SHOC2: variants seen among roughly 807,000 people sequenced by gnomAD.
SHOC2 encodes SHOC2 leucine rich repeat scaffold protein, also known as leucine-rich repeat protein SHOC-2.
SHOC2 carries 4 observed loss-of-function variants against 50.2 expected under a neutral mutation model. The observed-to-expected ratio is 0.08, with a 90% CI of 0.04 to 0.18. SHOC2 has a LOEUF of 0.18. SHOC2 is among the 10% of genes least tolerant of loss of function. SHOC2 has a pLI of 1.00. For missense variants in SHOC2, 388 were observed against 669.6 expected (o/e 0.58, Z 4.64); for synonymous variants, 218 against 244.5 (o/e 0.89, Z 1.01).
At chr10:110,919,440 C>T, upstream of SHOC2, 1 of 393,170 alleles carries the variant, frequency 2.5e-6, no homozygotes, top group Non-Finnish European at 4.5e-6. Context: ...TCTCTTGCCC[C>T]GGTTCCGCCC....
chr10:110,937,272 T>C (rs75092014), intron 1 of SHOC2: 2 of 796,244 alleles, frequency 2.5e-6, no homozygotes, highest in African/African-American at 1.7e-5. Context: ...TTTTTTTTTT[T>C]GGTCCAATCC....
intron 3 of SHOC2, chr10:110,988,808 ACTGTAAATTT>A (rs1274873282): frequency 9.8e-6 from 4 of 406,692 alleles, no homozygotes; most frequent in Non-Finnish European, 1.9e-5. Flanking sequence ...GACAGTTAGC[ACTGTAAATTT>A]CCCCTTAAGT....
chr10:111,006,292 A>G (rs1394525175), intron 5 of SHOC2, among the ~76,000 whole-genome samples: 2 of 152,264 alleles, frequency 1.3e-5, no homozygotes, highest in African/African-American at 2.4e-5. Flanking sequence ...TTTCAAATGG[A>G]TGCTTGCTAC....
intron 4 of SHOC2, among the ~76,000 whole-genome samples, chr10:111,003,327 TC>T (rs1178673023): frequency 3.9e-5 from 6 of 152,312 alleles, no homozygotes; most frequent in African/African-American, 1.4e-4. Flanking sequence ...TTACTTTGAA[TC>T]TAGAGTGTTT....
At chr10:111,002,045 C>CA (rs942547485) in intron 4 of SHOC2, among the ~76,000 whole-genome samples, 2,558 of 124,492 alleles carry the variant, frequency 0.021, 25 homozygotes, top group African/African-American at 0.025. Context: ...GACTTTGTCT[C>CA]AAAAAAAAAA....
upstream of SHOC2, chr10:110,919,557 C>A (rs900986181): frequency 5.9e-5 from 2 of 34,170 alleles, no homozygotes; most frequent in Non-Finnish European, 5.1e-5. Context: ...GGGGGAGGGG[C>A]GGGCGGGGGG....
chr10:110,937,026 G>A, intron 1 of SHOC2: 1 of 1,483,700 alleles, frequency 6.7e-7, no homozygotes, highest in Non-Finnish European at 9.4e-7. Context: ...AAGTGGTAGG[G>A]GCGTCGGAAA....
chr10:110,970,729 GTTTTTT>G (rs56760151), intron 2 of SHOC2, among the ~76,000 whole-genome samples: 27 of 136,316 alleles, frequency 2.0e-4, no homozygotes, highest in African/African-American at 7.2e-4. Flanking sequence ...TTGTGATGAT[GTTTTTT>G]TTTTTTTTTG....
chr10:110,957,560 T>C (rs1414613031), intron 1 of SHOC2, among the ~76,000 whole-genome samples: 6 of 133,408 alleles, frequency 4.5e-5, no homozygotes, highest in African/African-American at 1.8e-4. Flanking sequence ...AATTTCCAAC[T>C]CACTCTTCCA....
intron 1 of SHOC2, among the ~76,000 whole-genome samples, chr10:110,926,640 A>C (rs935652035): frequency 2.0e-5 from 3 of 152,216 alleles, no homozygotes; most frequent in African/African-American, 7.2e-5. Flanking sequence ...CATGCGTAGA[A>C]TCTTTCAAGA....
At chr10:110,973,884 T>C (rs964727148) in intron 2 of SHOC2, among the ~76,000 whole-genome samples, 3 of 150,778 alleles carry the variant, frequency 2.0e-5, no homozygotes, top group Non-Finnish European at 4.4e-5. Context: ...ATATACACTA[T>C]ATATATATAT....
chr10:110,992,900 A>AT (rs766603495), intron 3 of SHOC2, among the ~76,000 whole-genome samples: 119 of 151,780 alleles, frequency 7.8e-4, no homozygotes, highest in Non-Finnish European at 7.4e-4. Context: ...CTTTCCTACT[A>AT]TTTTTTTTGC....
Position 111,013,308 on chromosome 10 carries a change from T to G in SHOC2, c.*1490T>G, listed in dbSNP as rs552284342. The G allele has an allele frequency of 2.6e-5, 4 of 151,996 alleles. No individual in the cohort carries two copies. The East Asian group carries it at 7.7e-4, about 29-fold the overall frequency. The allele number at this position is 151,996 out of a possible 1,614,324, so 9.4% of individuals were successfully genotyped here. A position where few individuals can be genotyped will look rare whatever the true frequency, so the allele number is the denominator to read the frequency against. On this transcript the variant is annotated 3_prime_UTR_variant, in exon 9 of 9. Transcript: ENST00000369452. ...AATTACATATTGCTGCTTGTGTGTT[T>G]TTTTTTTTTTCCATTTAGTTGGGCG... is the stretch of plus-strand genomic sequence containing the variant.
At chr10:110,994,872 G>A (rs561279194) in intron 3 of SHOC2, among the ~76,000 whole-genome samples, 3 of 152,234 alleles carry the variant, frequency 2.0e-5, no homozygotes, top group South Asian at 2.1e-4. Context: ...GTTCCTTCCC[G>A]GCTGATACCT....
intron 5 of SHOC2, among the ~76,000 whole-genome samples, chr10:111,006,063 A>T (rs1848460768): frequency 2.6e-5 from 4 of 152,230 alleles, no homozygotes; most frequent in Non-Finnish European, 2.9e-5. Flanking sequence ...AATGGTGTTG[A>T]TTCTGAACAT....
intron 2 of SHOC2, among the ~76,000 whole-genome samples, chr10:110,966,734 T>A (rs17128212): frequency 0.1 from 15,769 of 152,150 alleles, 1,263 homozygotes; most frequent in East Asian, 0.24. Context: ...GGCTACCTAA[T>A]CTTTTGACCT....
At chr10:110,968,878 G>A (rs1847726228) in intron 2 of SHOC2, among the ~76,000 whole-genome samples, 1 of 152,076 alleles carries the variant, frequency 6.6e-6, no homozygotes, top group Non-Finnish European at 1.5e-5. Context: ...AATATAATTG[G>A]AATTTAACCA....
chr10:110,937,375 G>A, intron 1 of SHOC2: 2 of 594,880 alleles, frequency 3.4e-6, no homozygotes, highest in South Asian at 3.9e-5. Flanking sequence ...TGACTGTCAT[G>A]TAATTTACAG....
At chr10:111,008,510 A>G (rs1414186047) in intron 6 of SHOC2, among the ~76,000 whole-genome samples, 1 of 152,054 alleles carries the variant, frequency 6.6e-6, no homozygotes, top group East Asian at 1.9e-4. Context: ...GGATAATAAG[A>G]GTATCTACCT....
Sources: gnomAD v4.1 joint callset for allele counts (sites outside exome capture counted in the v4.1 genomes callset) on GRCh38, gnomAD v4.1.1 for gene constraint, MANE v1.5 for transcripts, NCBI Gene and HGNC (gene_info 2026-07-23, HGNC 2026-07-21) for gene names.